Variants in TRIM9 observed in about 807,000 individuals in gnomAD.
The protein encoded by TRIM9 is E3 ubiquitin-protein ligase TRIM9.
A neutral mutation model predicts 78.3 loss-of-function variants in TRIM9; 26 were observed. The observed-to-expected ratio is 0.33, with a 90% CI of 0.24 to 0.46. The LOEUF (loss-of-function observed/expected upper bound fraction) is 0.46, where lower values mean the gene tolerates loss of function less well. Among genes scored for constraint, TRIM9 ranks in the 20% least tolerant of loss-of-function variants. The pLI is 1.00. For missense variants in TRIM9, 787 were observed against 1,036.4 expected (o/e 0.76, Z 3.30); for synonymous variants, 398 against 416.5 (o/e 0.96, Z 0.54).
At chr14:51,016,580 T>C (rs2057226305) in intron 3 of TRIM9, among the ~76,000 whole-genome samples, 1 of 150,398 alleles carries the variant, frequency 6.6e-6, no homozygotes, top group African/African-American at 2.4e-5. Flanking sequence ...TTAATACTAA[T>C]AACATAATTT....
intron 6 of TRIM9, 151 bp from the exon 7 acceptor site, chr14:50,998,339 T>C (rs2139485222): frequency 4.3e-6 from 3 of 693,810 alleles, no homozygotes; most frequent in South Asian, 2.0e-5. Context: ...TTAATTTACC[T>C]TTTTAGCCTC....
intron 1 of TRIM9, among the ~76,000 whole-genome samples, chr14:51,051,253 A>C (rs2060396019): frequency 6.6e-6 from 1 of 152,218 alleles, no homozygotes; most frequent in Non-Finnish European, 1.5e-5. Flanking sequence ...CTTTGCAAGA[A>C]AGGAAGAGAA....
chr14:50,992,140 T>C (rs1348251245), intron 7 of TRIM9, among the ~76,000 whole-genome samples: 1 of 152,194 alleles, frequency 6.6e-6, no homozygotes, highest in African/African-American at 2.4e-5. Flanking sequence ...CCTTGGAATT[T>C]TGGCTAGAGG....
intron 1 of TRIM9, among the ~76,000 whole-genome samples, chr14:51,078,826 A>G (rs112242826): frequency 6.6e-6 from 1 of 152,214 alleles, no homozygotes; most frequent in African/African-American, 2.4e-5. Flanking sequence ...TCGAATGTAT[A>G]ACATGAGGAC....
At chr14:51,082,927 G>A (rs1263723405) in intron 1 of TRIM9, among the ~76,000 whole-genome samples, 3 of 152,122 alleles carry the variant, frequency 2.0e-5, no homozygotes, top group South Asian at 4.1e-4. Context: ...CTCTTTAAGG[G>A]GAAAGCTTGG....
At chr14:51,051,721 C>A (rs2060438380) in intron 1 of TRIM9, among the ~76,000 whole-genome samples, 1 of 152,164 alleles carries the variant, frequency 6.6e-6, no homozygotes, top group Non-Finnish European at 1.5e-5. Context: ...AATCCCAGCA[C>A]TTTGGGAGGC....
At chr14:51,015,505 CTT>C (rs369652663) in intron 3 of TRIM9, among the ~76,000 whole-genome samples, 161 of 61,286 alleles carry the variant, frequency 2.6e-3, no homozygotes, top group Middle Eastern at 0.016. Context: ...CTTTACTTTT[CTT>C]TTTTTTTTTT....
At chr14:50,983,239 T>C (rs1194481978) in intron 9 of TRIM9, 141 bp downstream of exon 9, 13 of 741,400 alleles carry the variant, frequency 1.8e-5, no homozygotes, top group Non-Finnish European at 2.7e-5. Flanking sequence ...TTTTTAAGAG[T>C]TTGAGAAACT....
At chr14:51,038,119 T>A (rs1596240246) in intron 1 of TRIM9, among the ~76,000 whole-genome samples, 1 of 152,168 alleles carries the variant, frequency 6.6e-6, no homozygotes, top group Non-Finnish European at 1.5e-5. Flanking sequence ...ATGGAGAGAT[T>A]ATCCTGGATT....
chr14:50,981,775 G>T (rs1285824094), intron 11 of TRIM9, 25 bp downstream of exon 11: 1 of 1,612,296 alleles, frequency 6.2e-7, no homozygotes, highest in East Asian at 2.2e-5. Context: ...CGTGAAGAAG[G>T]CTTGGTTTGG....
intron 1 of TRIM9, among the ~76,000 whole-genome samples, chr14:51,030,513 A>C (rs2058632005): frequency 1.3e-5 from 2 of 152,192 alleles, no homozygotes; most frequent in Non-Finnish European, 2.9e-5. Context: ...TTTGCAAAAG[A>C]GTAGCTGGGC....
Position 51,094,297 on chromosome 14 carries a change from C to T in TRIM9, c.643G>A (p.Gly215Ser). 16 of 1,613,904 alleles carry T rather than the reference C, an allele frequency of 9.9e-6. No homozygotes were observed. Among genetic ancestry groups the T allele is most frequent in the Non-Finnish European group, 1.2e-5 (14 of 1,179,896 alleles). The change falls in exon 1 of 13, where the codon GGT becomes AGT. Residue 215 changes from glycine to serine, a missense_variant. By Grantham distance (56) the Gly-to-Ser change is moderately conservative. Around this residue, in one of 3 missense-constraint regions of TRIM9, gnomAD observed 352 missense variants for 472.3 expected, o/e 0.75. Transcript: ENST00000684578. ...AKHRLVPPAQGRVSRRLSPRK... is the reference protein window; with the variant it reads ...AKHRLVPPAQSRVSRRLSPRK... ...GGGCTCAGCCTCCGGCTCACACGAC[C>T]CTGGGCCGGGGGCACCAGGCGGTGC...
At chr14:51,018,704 T>C (rs2057462111) in intron 3 of TRIM9, among the ~76,000 whole-genome samples, 1 of 152,148 alleles carries the variant, frequency 6.6e-6, no homozygotes, top group South Asian at 2.1e-4. Context: ...CTGCGCAACA[T>C]GGTAAGCTTT....
chr14:51,030,636 T>C (rs143783394), intron 1 of TRIM9, among the ~76,000 whole-genome samples: 2,032 of 152,152 alleles, frequency 0.013, 18 homozygotes, highest in Non-Finnish European at 0.02. Flanking sequence ...TGAAAGTCTA[T>C]GTGTATGTGG....
rs1035187129 is a variant in TRIM9, at chr14:50,978,875, C to A, written c.2325+512G>T. The A allele has an allele frequency of 4.2e-5, 41 of 977,826 alleles. No homozygotes were observed. The African/African-American group carries it at 6.9e-4, about 16-fold the overall frequency. 60.6% of individuals were successfully genotyped at this position (977,826 alleles called of 1,614,324 possible). A position where few individuals can be genotyped will look rare whatever the true frequency, so the allele number is the denominator to read the frequency against. ...ATAAATGAGAAGCTGTTGTTTTATT[C>A]TATAATAAATAATAATTGACTAAGT... On this transcript the variant is annotated intron_variant, in intron 12 of 12. Transcript: ENST00000684578.
chr14:50,983,363 A>G lies in TRIM9; in HGVS notation c.1834+17T>C. 6.5e-7 allele frequency: 1 copy of G among 1,527,874 alleles called. No homozygotes were observed. The highest frequency in any genetic ancestry group is 8.8e-7 in the Non-Finnish European group (1 of 1,133,140). 94.6% of individuals were successfully genotyped at this position (1,527,874 alleles called of 1,614,324 possible). On this transcript the variant is annotated intron_variant, in intron 9 of 12. Transcript: ENST00000684578. ...CCAATCACGTAAGTAAAAGATAATT[A>G]CAATAGGTATACTTGCCTAATTGAG...
chr14:51,037,953 G>A (rs755042689), intron 1 of TRIM9, among the ~76,000 whole-genome samples: 1 of 152,164 alleles, frequency 6.6e-6, no homozygotes. Flanking sequence ...TGAGAGTCAG[G>A]TTCAGCCAAT....
intron 7 of TRIM9, among the ~76,000 whole-genome samples, chr14:50,992,594 AATG>A (rs2053662929): frequency 6.6e-6 from 1 of 152,124 alleles, no homozygotes; most frequent in African/African-American, 2.4e-5. Flanking sequence ...TGAATGAATG[AATG>A]AATGAATAAA....
intron 7 of TRIM9, chr14:50,996,894 G>A (rs530094606): frequency 1.0e-5 from 10 of 985,390 alleles, no homozygotes; most frequent in Admixed American, 1.2e-4. Context: ...CTGTTTTCAC[G>A]GCTAGGGGCC....
Sources: allele counts gnomAD v4.1 joint callset (sites outside exome capture counted in the v4.1 genomes callset), GRCh38; gene constraint gnomAD v4.1.1; regional missense constraint gnomAD v4.1.1; transcripts MANE v1.5; gene names NCBI Gene and HGNC (gene_info 2026-07-23, HGNC 2026-07-21).